DSCAM: variants seen among roughly 807,000 people sequenced by gnomAD.
DSCAM encodes cell adhesion molecule DSCAM.
DSCAM carries 47 observed loss-of-function variants against 217.7 expected under a neutral mutation model. The observed-to-expected ratio is 0.22, with a 90% CI of 0.17 to 0.28. The LOEUF is 0.28. DSCAM is among the 10% of genes least tolerant of loss of function. The probability of loss-of-function intolerance (pLI) is 1.00; values close to 1 mark genes in which losing one functional copy is unlikely to be tolerated. For synonymous variants in DSCAM, 1,056 were observed against 1,015.3 expected (o/e 1.04, Z -0.76); for missense variants, 2,080 against 2,618.3 (o/e 0.79, Z 4.49).
intron 11 of DSCAM, among the ~76,000 whole-genome samples, chr21:40,253,864 T>C (rs1159240991): frequency 6.6e-6 from 1 of 152,180 alleles, no homozygotes; most frequent in Non-Finnish European, 1.5e-5. Context: ...AAAATGGTAA[T>C]TGTTAAGTAT....
chr21:40,256,122 G>A (rs2073366979), intron 11 of DSCAM, among the ~76,000 whole-genome samples: 1 of 152,194 alleles, frequency 6.6e-6, no homozygotes, highest in Admixed American at 6.5e-5. Context: ...TTAAAACTCT[G>A]TATTCCCAAA....
chr21:40,837,091 G>A (rs2092063243), intron 1 of DSCAM, among the ~76,000 whole-genome samples: 1 of 152,236 alleles, frequency 6.6e-6, no homozygotes, highest in South Asian at 2.1e-4. Context: ...CTAATGTTCA[G>A]CTTGAAGTGT....
At chr21:40,037,003 G>C (rs1462623198) in intron 32 of DSCAM, among the ~76,000 whole-genome samples, 2 of 150,518 alleles carry the variant, frequency 1.3e-5, no homozygotes, top group Admixed American at 6.6e-5. Context: ...ATTAGGTATT[G>C]ATGGGACGTA....
At chr21:40,692,151 C>T (rs1002658566) in intron 3 of DSCAM, among the ~76,000 whole-genome samples, 8 of 152,202 alleles carry the variant, frequency 5.3e-5, no homozygotes, top group African/African-American at 1.7e-4. Context: ...GATGTAAGAA[C>T]AGGAGCACCA....
intron 3 of DSCAM, among the ~76,000 whole-genome samples, chr21:40,499,944 C>T (rs917489969): frequency 6.6e-6 from 1 of 152,058 alleles, no homozygotes; most frequent in South Asian, 2.1e-4. Flanking sequence ...CCACACCTGG[C>T]TAATTTTTGT....
chr21:40,311,555 C>A (rs1018450996), intron 9 of DSCAM, among the ~76,000 whole-genome samples: 1 of 152,072 alleles, frequency 6.6e-6, no homozygotes, highest in African/African-American at 2.4e-5. Context: ...GTTGCAATGG[C>A]GTCCCAAAAT....
intron 3 of DSCAM, among the ~76,000 whole-genome samples, chr21:40,593,935 G>A (rs951230317): frequency 1.2e-4 from 19 of 152,068 alleles, no homozygotes; most frequent in Non-Finnish European, 8.8e-5. Context: ...GGTTTTAATC[G>A]ACTCCTATGA....
chr21:40,025,678 T>A (rs1163712039), intron 32 of DSCAM, among the ~76,000 whole-genome samples: 1 of 151,142 alleles, frequency 6.6e-6, no homozygotes, highest in Non-Finnish European at 1.5e-5. Context: ...TGTAGTACTC[T>A]CTGATGGTAG....
chr21:40,467,930 C>CAAAAAAAA (rs56379350), intron 3 of DSCAM, among the ~76,000 whole-genome samples: 4 of 84,388 alleles, frequency 4.7e-5, no homozygotes, highest in African/African-American at 1.4e-4. Context: ...AAAGATTAAC[C>CAAAAAAAA]AAAAAAAAAA....
intron 3 of DSCAM, among the ~76,000 whole-genome samples, chr21:40,543,902 T>C (rs774356180): frequency 1.3e-5 from 2 of 152,222 alleles, no homozygotes; most frequent in Non-Finnish European, 2.9e-5. Context: ...CTGCTCTCGG[T>C]TGTGTTCATT....
chr21:40,782,344 G>T (rs1004222930), intron 1 of DSCAM, among the ~76,000 whole-genome samples: 2 of 152,124 alleles, frequency 1.3e-5, no homozygotes, highest in Non-Finnish European at 2.9e-5. Flanking sequence ...TCGGTAATGG[G>T]CTTTCATTTT....
chr21:40,111,719 A>C (rs2089901452), intron 20 of DSCAM, among the ~76,000 whole-genome samples: 2 of 152,200 alleles, frequency 1.3e-5, no homozygotes, highest in Admixed American at 1.3e-4. Flanking sequence ...GGTTGGAGGA[A>C]GATCTACCAA....
chr21:40,675,912 A>G (rs2090332301), intron 3 of DSCAM, among the ~76,000 whole-genome samples: 2 of 152,164 alleles, frequency 1.3e-5, no homozygotes, highest in Non-Finnish European at 2.9e-5. Context: ...CTGCATAACC[A>G]TTTTACAAGA....
At chr21:40,050,573 C>G (rs2088914299) in intron 30 of DSCAM, among the ~76,000 whole-genome samples, 1 of 151,922 alleles carries the variant, frequency 6.6e-6, no homozygotes, top group East Asian at 1.9e-4. Flanking sequence ...AGCTCTGCCT[C>G]CCAGGTTCAC....
chr21:40,167,134 GT>G (rs2090603884), intron 16 of DSCAM, 83 bp downstream of exon 16: 1 of 1,251,070 alleles, frequency 8.0e-7, no homozygotes, highest in Non-Finnish European at 1.1e-6. Flanking sequence ...AAATTCGAGA[GT>G]CTTGGTGTCA....
At chr21:40,434,692 G>A (rs889618200) in intron 3 of DSCAM, among the ~76,000 whole-genome samples, 2 of 152,128 alleles carry the variant, frequency 1.3e-5, no homozygotes, top group Admixed American at 6.5e-5. Context: ...GATATGCCCT[G>A]TGTATAATGA....
chr21:40,091,896 C>T (rs1239266060), intron 21 of DSCAM, among the ~76,000 whole-genome samples: 1 of 152,156 alleles, frequency 6.6e-6, no homozygotes, highest in Non-Finnish European at 1.5e-5. Context: ...TTACCTCCCA[C>T]TGGGTCCGTC....
chr21:40,556,620 A>G (rs1023216345), intron 3 of DSCAM, among the ~76,000 whole-genome samples: 1 of 152,030 alleles, frequency 6.6e-6, no homozygotes, highest in Non-Finnish European at 1.5e-5. Flanking sequence ...AGGGGAACCA[A>G]CTGTGTGAAG....
intron 3 of DSCAM, among the ~76,000 whole-genome samples, chr21:40,637,994 A>G (rs1009499539): frequency 1.3e-5 from 2 of 151,944 alleles, no homozygotes; most frequent in African/African-American, 4.8e-5. Flanking sequence ...CCCATTTTAT[A>G]TTGATAGAAT....
Sources: gnomAD v4.1 joint callset for allele counts (sites outside exome capture counted in the v4.1 genomes callset) on GRCh38, gnomAD v4.1.1 for gene constraint, MANE v1.5 for transcripts, NCBI Gene and HGNC (gene_info 2026-07-23, HGNC 2026-07-21) for gene names.